Variants in ABCA13 observed in about 807,000 individuals in gnomAD.
ABCA13 encodes ATP binding cassette subfamily A member 13.
In ABCA13, 476 loss-of-function variants were observed where a neutral mutation model predicts 478.7. The ratio of observed to expected loss-of-function variants is 0.99; its 90% CI spans 0.92 to 1.07. The LOEUF is 1.07. ABCA13 is among the 50% of genes least tolerant of loss of function. ABCA13 has a pLI of 0.00. For missense variants in ABCA13, 6,060 were observed against 5,910.6 expected (o/e 1.03, Z -0.83); for synonymous variants, 2,252 against 2,158.9 (o/e 1.04, Z -1.20).
chr7:48,177,723 A>G (rs1245284891), intron 1 of ABCA13, among the ~76,000 whole-genome samples: 1 of 152,242 alleles, frequency 6.6e-6, no homozygotes, highest in Non-Finnish European at 1.5e-5. Flanking sequence ...GGAACTCCTG[A>G]TAACTCGAAG....
intron 35 of ABCA13, among the ~76,000 whole-genome samples, chr7:48,378,515 A>G (rs1044764274): frequency 3.9e-5 from 6 of 152,062 alleles, no homozygotes; most frequent in African/African-American, 1.4e-4. Context: ...GGAAACCGTG[A>G]TCTCCTGTTC....
At chr7:48,597,007 A>G (rs532241309) in intron 58 of ABCA13, among the ~76,000 whole-genome samples, 3 of 150,866 alleles carry the variant, frequency 2.0e-5, no homozygotes, top group Non-Finnish European at 4.4e-5. Context: ...GCTGGAGTGC[A>G]GTGGCACGAT....
At chr7:48,243,490 C>T (rs1325623652) in intron 10 of ABCA13, among the ~76,000 whole-genome samples, 1 of 152,172 alleles carries the variant, frequency 6.6e-6, no homozygotes, top group Non-Finnish European at 1.5e-5. Flanking sequence ...GCCAGAAAGC[C>T]CAAGCATGTG....
chr7:48,430,499 C>A (rs1334296872), intron 42 of ABCA13, among the ~76,000 whole-genome samples: 1 of 151,972 alleles, frequency 6.6e-6, no homozygotes, highest in Non-Finnish European at 1.5e-5. Context: ...CATGGTGAAA[C>A]CCCGTCTCCA....
At chr7:48,341,815 A>G (rs1186132155) in intron 29 of ABCA13, among the ~76,000 whole-genome samples, 10 of 97,252 alleles carry the variant, frequency 1.0e-4, no homozygotes, top group Non-Finnish European at 4.6e-5. Context: ...CTTTTCTGAT[A>G]TATATATATA....
intron 42 of ABCA13, among the ~76,000 whole-genome samples, 177 bp downstream of exon 42, chr7:48,428,048 C>G (rs1821672816): frequency 6.9e-6 from 1 of 144,714 alleles, no homozygotes; most frequent in South Asian, 2.2e-4. Flanking sequence ...TGAGTTTTAT[C>G]CTGGCTTGAA....
chr7:48,635,524 A>G (rs1794563470), intron 59 of ABCA13, among the ~76,000 whole-genome samples: 2 of 152,150 alleles, frequency 1.3e-5, no homozygotes, highest in Admixed American at 1.3e-4. Context: ...ATTCTCGGCA[A>G]TGCTGTTCTT....
chr7:48,475,143 G>C (rs1827939529), intron 45 of ABCA13, among the ~76,000 whole-genome samples: 1 of 152,180 alleles, frequency 6.6e-6, no homozygotes. Context: ...TGTGGCAGCA[G>C]TGTGTTTCGG....
chr7:48,602,773 T>C (rs1298074351), intron 58 of ABCA13, among the ~76,000 whole-genome samples: 1 of 151,944 alleles, frequency 6.6e-6, no homozygotes, highest in Non-Finnish European at 1.5e-5. Context: ...AGAAAGTCAG[T>C]GGTAGCTTGA....
chr7:48,557,223 A>T (rs960387509), intron 55 of ABCA13, among the ~76,000 whole-genome samples: 7 of 152,066 alleles, frequency 4.6e-5, no homozygotes, highest in Admixed American at 4.6e-4. Context: ...TGATAAGAGT[A>T]GTTTACACAC....
At position 48,483,148 on chromosome 7, in the gene ABCA13, C is replaced by T. The variant is rs531050880; in HGVS notation, c.13167C>T (p.Pro4389=). 9.9e-6 allele frequency: 16 copies of T among 1,612,794 alleles called. No homozygotes were observed. In the Admixed American group the frequency reaches 2.3e-4, roughly 24 times the overall value. ...GTGCAAATGGAAACATATCAAAACC[C>T]CCAACTCTGGCAAAGGTAATCATAT... ...AGGANGNISK[P]PTLAKVWYNQ... Residue 4389 remains proline (P), a synonymous_variant, in exon 47 of 62, where the codon CCC becomes CCT. Coordinates refer to ENST00000435803, the MANE Select transcript of ABCA13 (RefSeq NM_152701.5).
chr7:48,530,128 A>T (rs1289381738), intron 55 of ABCA13, among the ~76,000 whole-genome samples: 1 of 152,036 alleles, frequency 6.6e-6, no homozygotes, highest in African/African-American at 2.4e-5. Flanking sequence ...TCATTGTATC[A>T]TTCTTATGCC....
chr7:48,492,053 A>G (rs1439578090), intron 48 of ABCA13, among the ~76,000 whole-genome samples: 1 of 152,172 alleles, frequency 6.6e-6, no homozygotes, highest in Non-Finnish European at 1.5e-5. Flanking sequence ...AGATGTACAC[A>G]TTCTAATATT....
intron 44 of ABCA13, among the ~76,000 whole-genome samples, chr7:48,467,830 G>C: frequency 6.6e-6 from 1 of 152,166 alleles, no homozygotes; most frequent in Non-Finnish European, 1.5e-5. Flanking sequence ...TTTCTAATTT[G>C]CGATGACATA....
chr7:48,230,030 C>T, intron 7 of ABCA13, 75 bp downstream of exon 7: 1 of 1,444,946 alleles, frequency 6.9e-7, no homozygotes, highest in South Asian at 1.5e-5. Flanking sequence ...TGACATAGAG[C>T]TAAAATGATG....
chr7:48,407,944 A>G (rs1244731722), intron 39 of ABCA13, among the ~76,000 whole-genome samples: 2 of 152,190 alleles, frequency 1.3e-5, no homozygotes, highest in Admixed American at 1.3e-4. Context: ...CATTTTACAT[A>G]GGGATTTTGG....
chr7:48,625,614 A>G (rs148172136), intron 59 of ABCA13, among the ~76,000 whole-genome samples: 1 of 152,264 alleles, frequency 6.6e-6, no homozygotes, highest in East Asian at 1.9e-4. Context: ...ATCATGTTGT[A>G]TGAACACAGC....
chr7:48,242,433 T>C (rs77514849), intron 10 of ABCA13, among the ~76,000 whole-genome samples: 5,405 of 152,146 alleles, frequency 0.036, 196 homozygotes, highest in Admixed American at 0.11. Context: ...TGTTTTTTTT[T>C]CTTTGTTTTG....
chr7:48,298,356 T>A lies in ABCA13; in HGVS notation c.9200-10T>A. ...TATTACACAAATTTCTTATTTTCCT[T>A]ACTTTGCAGATGTAAAAATAAAAGA... On this transcript the variant is annotated splice_polypyrimidine_tract_variant and intron_variant, in intron 22 of 61. Coordinates refer to ENST00000435803, the MANE Select transcript of ABCA13 (RefSeq NM_152701.5). 2 of 1,597,536 alleles carry A rather than the reference T, an allele frequency of 1.3e-6. No individual in the cohort carries two copies. Among genetic ancestry groups the A allele is most frequent in the Non-Finnish European group, 1.7e-6 (2 of 1,173,776 alleles).
Sources: gnomAD v4.1 joint callset for allele counts (sites outside exome capture counted in the v4.1 genomes callset) on GRCh38, gnomAD v4.1.1 for gene constraint, MANE v1.5 for transcripts, NCBI Gene and HGNC (gene_info 2026-07-23, HGNC 2026-07-21) for gene names.